Variants in FAM178B observed in about 807,000 individuals in gnomAD.
FAM178B encodes family with sequence similarity 178 member B, also known as protein FAM178B.
FAM178B carries 82 observed loss-of-function variants against 91.7 expected under a neutral mutation model. That is an observed-to-expected ratio of 0.89 (90% CI 0.75 to 1.07). The LOEUF is 1.07. Ranked by LOEUF, FAM178B falls within the 50% of genes least tolerant of loss-of-function variation. The pLI is 0.00. For synonymous variants in FAM178B, 368 were observed against 359.4 expected (o/e 1.02, Z -0.27); for missense variants, 769 against 846.7 (o/e 0.91, Z 1.14).
At chr2:96,942,456 G>A (rs1022222797) in intron 8 of FAM178B, among the ~76,000 whole-genome samples, 2 of 152,124 alleles carry the variant, frequency 1.3e-5, no homozygotes, top group African/African-American at 4.8e-5. Context: ...GCAGTGGTGC[G>A]ATCTCGGCTC....
chr2:96,885,270 C>T (rs2080488071), intron 14 of FAM178B, among the ~76,000 whole-genome samples: 1 of 152,256 alleles, frequency 6.6e-6, no homozygotes, highest in Admixed American at 6.5e-5. Context: ...AGGTGGGTGT[C>T]TCTTTCCAGG....
chr2:96,936,322 C>A (rs1044827373), intron 8 of FAM178B, among the ~76,000 whole-genome samples: 1 of 152,084 alleles, frequency 6.6e-6, no homozygotes, highest in East Asian at 1.9e-4. Flanking sequence ...CTGCCTCAGC[C>A]TCCCGAGTAG....
At chr2:96,964,095 G>A (rs1034157375) in intron 5 of FAM178B, among the ~76,000 whole-genome samples, 5 of 152,128 alleles carry the variant, frequency 3.3e-5, no homozygotes, top group South Asian at 2.1e-4. Context: ...CATGAGAATC[G>A]TTTGAACCTG....
intron 13 of FAM178B, among the ~76,000 whole-genome samples, chr2:96,899,543 G>A (rs2080886423): frequency 6.6e-6 from 1 of 151,916 alleles, no homozygotes; most frequent in Admixed American, 6.6e-5. Context: ...TCAAGGGGAG[G>A]CAGCGCCACT....
chr2:96,908,774 A>C (rs1161084244), intron 12 of FAM178B, among the ~76,000 whole-genome samples: 1 of 150,150 alleles, frequency 6.7e-6, no homozygotes, highest in Non-Finnish European at 1.5e-5. Flanking sequence ...TAAAAGGTAC[A>C]CATGAACAAT....
intron 1 of FAM178B, among the ~76,000 whole-genome samples, chr2:96,975,311 A>G (rs2082275782): frequency 6.6e-6 from 1 of 152,152 alleles, no homozygotes; most frequent in South Asian, 2.1e-4. Flanking sequence ...GAAAATTGTT[A>G]AGATAGGAGA....
chr2:96,905,828 A>G (rs1195371451), intron 12 of FAM178B, among the ~76,000 whole-genome samples: 523 of 18,302 alleles, frequency 0.029, 10 homozygotes, highest in African/African-American at 0.056. Flanking sequence ...GTATATATAT[A>G]TATATATATA....
intron 12 of FAM178B, among the ~76,000 whole-genome samples, chr2:96,905,846 A>ATATACG (rs2081034524): frequency 1.5e-4 from 4 of 26,922 alleles, no homozygotes; most frequent in African/African-American, 6.1e-4. Context: ...ATATATATAT[A>ATATACG]TATATATATA....
intron 12 of FAM178B, among the ~76,000 whole-genome samples, chr2:96,918,364 T>C (rs2081277562): frequency 6.6e-6 from 1 of 152,148 alleles, no homozygotes; most frequent in African/African-American, 2.4e-5. Flanking sequence ...AAAGGTAATT[T>C]ACAGTAAGAG....
intron 14 of FAM178B, among the ~76,000 whole-genome samples, chr2:96,886,197 T>C (rs981821768): frequency 6.6e-6 from 1 of 152,088 alleles, no homozygotes; most frequent in African/African-American, 2.4e-5. Flanking sequence ...CAGCCTCCTG[T>C]CCCCTACACT....
At chr2:96,959,199 GAAAAAAAAAAAAA>G (rs57498168) in intron 6 of FAM178B, among the ~76,000 whole-genome samples, 31,347 of 82,562 alleles carry the variant, frequency 0.38, 6,244 homozygotes, top group African/African-American at 0.62. Context: ...ACTCAGTTTT[GAAAAAAAAAAAAA>G]AAAAAAAAAA....
At chr2:96,930,243 A>AAAAAAAAAAAAAAAAT (rs1559080293) in intron 8 of FAM178B, among the ~76,000 whole-genome samples, 2 of 137,514 alleles carry the variant, frequency 1.5e-5, no homozygotes, top group Admixed American at 7.4e-5. Context: ...AAAAAAAAAA[A>AAAAAAAAAAAAAAAAT]ATCTGACCAC....
chr2:96,915,292 A>G (rs1460343541), intron 12 of FAM178B, among the ~76,000 whole-genome samples: 2 of 143,564 alleles, frequency 1.4e-5, no homozygotes, highest in Non-Finnish European at 3.1e-5. Context: ...TTTTTTTTCT[A>G]TTTTTAGTAG....
intron 8 of FAM178B, among the ~76,000 whole-genome samples, chr2:96,930,868 G>T (rs2081528433): frequency 6.6e-6 from 1 of 152,178 alleles, no homozygotes; most frequent in Non-Finnish European, 1.5e-5. Flanking sequence ...GGAGCTGGTT[G>T]CCCCTTTTAC....
intron 6 of FAM178B, 71 bp downstream of exon 6, chr2:96,960,217 T>A: frequency 2.0e-6 from 3 of 1,512,716 alleles, no homozygotes; most frequent in Non-Finnish European, 1.8e-6. Context: ...GTGGCCCTTA[T>A]CCCTGGACTC....
At chr2:96,882,196 C>T (rs549019210) in intron 14 of FAM178B, among the ~76,000 whole-genome samples, 9 of 152,340 alleles carry the variant, frequency 5.9e-5, no homozygotes, top group African/African-American at 2.2e-4. Context: ...CACCCTCCCA[C>T]CAGACCCCTC....
At chr2:96,899,346 T>C (rs148626358) in intron 13 of FAM178B, among the ~76,000 whole-genome samples, 5 of 152,326 alleles carry the variant, frequency 3.3e-5, no homozygotes, top group African/African-American at 1.2e-4. Flanking sequence ...TCTGAGGTCA[T>C]CTGGTGCTGT....
At chr2:96,906,415 T>C (rs985601418) in intron 12 of FAM178B, among the ~76,000 whole-genome samples, 1 of 152,108 alleles carries the variant, frequency 6.6e-6, no homozygotes, top group African/African-American at 2.4e-5. Context: ...ATGTGCATCG[T>C]GTCTAGCAAC....
chr2:96,905,844 ATATATATATATATATATT>A (rs1206093679), intron 12 of FAM178B, among the ~76,000 whole-genome samples: 2 of 28,610 alleles, frequency 7.0e-5, no homozygotes, highest in African/African-American at 1.0e-4. Context: ...ATATATATAT[ATATATATATATATATATT>A]TTTTTTTTTT....
Sources: allele counts gnomAD v4.1 joint callset (sites outside exome capture counted in the v4.1 genomes callset), GRCh38; gene constraint gnomAD v4.1.1; transcripts MANE v1.5; gene names NCBI Gene and HGNC (gene_info 2026-07-23, HGNC 2026-07-21).